The following GDAP1 variants were observed in gnomAD, a reference collection of about 807,000 sequenced individuals.
GDAP1 encodes the protein ganglioside induced differentiation associated protein 1, also known as ganglioside-induced differentiation-associated protein 1.
GDAP1 carries 34 observed loss-of-function variants against 40.1 expected under a neutral mutation model. That is an observed-to-expected ratio of 0.85 (90% CI 0.64 to 1.13). The LOEUF (loss-of-function observed/expected upper bound fraction) is 1.13. Among genes scored for constraint, GDAP1 ranks in the 50% most tolerant of loss-of-function variants. GDAP1 has a pLI of 0.00. For missense variants in GDAP1, 374 were observed against 433.7 expected, an observed-to-expected ratio of 0.86 and a Z score of 1.22; for synonymous variants, 170 against 157.4, an observed-to-expected ratio of 1.08 and a Z score of -0.60.
In GDAP1 at chr8:74,351,187, G is replaced by A. The variant is rs116253195; in HGVS notation, c.118-87G>A. The A allele has an allele frequency of 6.0e-3, 6,171 of 1,036,784 alleles. 244 individuals carry two copies. In the African/African-American group the frequency reaches 0.086, roughly 14 times the overall value. 64.2% of individuals were successfully genotyped at this position (1,036,784 alleles called of 1,614,324 possible). A position where few individuals can be genotyped will look rare whatever the true frequency, so the allele number is the denominator to read the frequency against. On this transcript the variant is annotated intron_variant, in intron 1 of 5. Coordinates refer to ENST00000220822, the MANE Select transcript of GDAP1 (RefSeq NM_018972.4). ...TTGAAAATGTCGGTAACACAGGGAA[G>A]CCCAGAAAGGCTGCTTAGCGGTGTC...
Position 74,362,956 on chromosome 8 carries a change from T to C in GDAP1, c.597T>C (p.His199=). The change falls in exon 5 of 6, where the codon CAT becomes CAC. Residue 199 remains histidine (H), a synonymous_variant. Transcript: ENST00000220822. ...QKRLKSKLLD[H]DNVKYLKKIL... is the part of the protein sequence containing the mutation. ...TTAATTAGTCAAAGCTGCTTGATCA[T>C]GACAATGTCAAGTATTTGAAGAAAA... is the stretch of plus-strand genomic sequence containing the variant. The C allele has an allele frequency of 6.5e-7, 1 of 1,533,350 alleles. No individual in the cohort carries two copies. Among genetic ancestry groups the C allele is most frequent in the South Asian group, 1.1e-5 (1 of 89,500 alleles). 95.0% of individuals were successfully genotyped at this position (1,533,350 alleles called of 1,614,324 possible). A position where few individuals can be genotyped will look rare whatever the true frequency, so the allele number is the denominator to read the frequency against.
chr8:74,457,119 A>G (rs1230648342), intron 2 of GDAP1, among the ~76,000 whole-genome samples: 1 of 152,098 alleles, frequency 6.6e-6, no homozygotes, highest in Non-Finnish European at 1.5e-5. Flanking sequence ...TCTAAAAATT[A>G]TATTCAAGAC....
intron 2 of GDAP1, among the ~76,000 whole-genome samples, chr8:74,400,691 C>A (rs1452898365): frequency 6.7e-6 from 1 of 149,392 alleles, no homozygotes; most frequent in Non-Finnish European, 1.5e-5. Context: ...TGGCTGGTAC[C>A]AGTTGTTCCT....
rs750710263 is a variant in GDAP1 at position 74,350,420 on chromosome 8, A to G, written c.-42A>G. 6 of 1,250,186 alleles carry G rather than the reference A, an allele frequency of 4.8e-6. No individual in the cohort carries two copies. Among genetic ancestry groups the G allele is most frequent in the East Asian group, 4.6e-5 (2 of 43,254 alleles). The allele number at this position is 1,250,186 out of a possible 1,614,324, so 77.4% of individuals were successfully genotyped here. On this transcript the variant is annotated 5_prime_UTR_variant, in exon 1 of 6. Transcript: ENST00000220822. ...GGGGCAGTGTGGGAGGGAGAAGTCC[A>G]GGGCGGACAGGCTGGGCGCACCCGT... is the stretch of plus-strand genomic sequence containing the variant.
intron 2 of GDAP1, among the ~76,000 whole-genome samples, chr8:74,359,806 C>T (rs773913487): frequency 6.6e-6 from 1 of 152,168 alleles, no homozygotes; most frequent in Non-Finnish European, 1.5e-5. Context: ...TAGAAGAAGG[C>T]ACATGTGAGC....
chr8:74,418,151 CCCGGCAG>C (rs1391737929), intron 2 of GDAP1, among the ~76,000 whole-genome samples: 7 of 152,176 alleles, frequency 4.6e-5, no homozygotes, highest in African/African-American at 1.7e-4. Context: ...CAATCAAAAT[CCCGGCAG>C]ATGTTTTTGT....
chr8:74,407,805 C>A (rs893154501), intron 2 of GDAP1, among the ~76,000 whole-genome samples: 1 of 148,140 alleles, frequency 6.8e-6, no homozygotes, highest in Non-Finnish European at 1.5e-5. Flanking sequence ...AATACCTTGA[C>A]AATTGCAGGC....
intron 2 of GDAP1, among the ~76,000 whole-genome samples, chr8:74,446,109 A>T (rs1806223067): frequency 6.6e-6 from 1 of 152,186 alleles, no homozygotes. Flanking sequence ...TGCCTTTTCT[A>T]CTTCGGGGAG....
intron 2 of GDAP1, among the ~76,000 whole-genome samples, chr8:74,388,333 T>C (rs1451158356): frequency 1.4e-4 from 22 of 152,214 alleles, no homozygotes; most frequent in Admixed American, 1.4e-3. Flanking sequence ...TACATTTCCT[T>C]CTAAACACTG....
Position 74,361,984 on chromosome 8 carries a change from C to T in GDAP1, c.579+6C>T, listed in dbSNP as rs761128477. On this transcript the variant is annotated splice_donor_region_variant and intron_variant, in intron 4 of 5. Coordinates refer to ENST00000220822, the MANE Select transcript of GDAP1 (RefSeq NM_018972.4). ...CAAAACAGAAACGACTTAAAGTAAG[C>T]CAATCAGCTGTCCTCAGTTGACATA... 6.7e-7 allele frequency: 1 copy of T among 1,488,574 alleles called. No individual in the cohort carries two copies. Among genetic ancestry groups the T allele is most frequent in the East Asian group, 2.3e-5 (1 of 44,312 alleles). The allele number at this position is 1,488,574 out of a possible 1,614,324, so 92.2% of individuals were successfully genotyped here. A position where few individuals can be genotyped will look rare whatever the true frequency, so the allele number is the denominator to read the frequency against.
intron 2 of GDAP1, among the ~76,000 whole-genome samples, chr8:74,414,038 G>A (rs1157001513): frequency 1.3e-5 from 2 of 150,242 alleles, no homozygotes; most frequent in East Asian, 3.9e-4. Context: ...TCCGACACTA[G>A]TCAATGGCAA....
intron 2 of GDAP1, among the ~76,000 whole-genome samples, chr8:74,394,694 C>A (rs73331303): frequency 6.6e-6 from 1 of 151,988 alleles, no homozygotes. Flanking sequence ...AACACAAAGG[C>A]GTGATGAGGT....
At chr8:74,379,146 C>CATGAGGAAAG (rs59700909) in intron 2 of GDAP1, among the ~76,000 whole-genome samples, 43 of 151,924 alleles carry the variant, frequency 2.8e-4, no homozygotes, top group African/African-American at 1.0e-3. Context: ...CTTTCAGGGT[C>CATGAGGAAAG]CGACTCAGGC....
At chr8:74,423,348 ATAAAT>A (rs370332257) in intron 2 of GDAP1, among the ~76,000 whole-genome samples, 2 of 147,582 alleles carry the variant, frequency 1.4e-5, no homozygotes, top group East Asian at 3.9e-4. Flanking sequence ...ATAATAAATT[ATAAAT>A]TAAATAATAC....
At chr8:74,401,051 G>C (rs954950011) in intron 2 of GDAP1, among the ~76,000 whole-genome samples, 2 of 143,192 alleles carry the variant, frequency 1.4e-5, no homozygotes, top group African/African-American at 5.4e-5. Context: ...TCTTCTCGAG[G>C]AGTATCTTTG....
chr8:74,391,603 C>A (rs1193842005), intron 2 of GDAP1, among the ~76,000 whole-genome samples: 1 of 151,926 alleles, frequency 6.6e-6, no homozygotes, highest in Non-Finnish European at 1.5e-5. Context: ...CTGGGAGCTG[C>A]AGACTGGAGA....
intron 2 of GDAP1, among the ~76,000 whole-genome samples, chr8:74,426,727 T>G (rs1805951814): frequency 6.6e-6 from 1 of 152,248 alleles, no homozygotes; most frequent in Non-Finnish European, 1.5e-5. Flanking sequence ...GTTTTTCTCT[T>G]TTTGAACAGA....
intron 2 of GDAP1, among the ~76,000 whole-genome samples, chr8:74,406,655 ATGT>A (rs1198900285): frequency 6.7e-6 from 1 of 150,198 alleles, no homozygotes; most frequent in Non-Finnish European, 1.5e-5. Flanking sequence ...GGGGGATATC[ATGT>A]TGTCTCTCTC....
At chr8:74,400,195 G>T (rs1242129666) in intron 2 of GDAP1, among the ~76,000 whole-genome samples, 8 of 149,764 alleles carry the variant, frequency 5.3e-5, no homozygotes, top group Non-Finnish European at 2.9e-5. Context: ...AAGTCTCTTT[G>T]TATGTCACTC....
Sources: allele counts gnomAD v4.1 joint callset (sites outside exome capture counted in the v4.1 genomes callset), GRCh38; gene constraint gnomAD v4.1.1; transcripts MANE v1.5; gene names NCBI Gene and HGNC (gene_info 2026-07-23, HGNC 2026-07-21).